DLGAP2: variants seen among roughly 807,000 people sequenced by gnomAD.
DLGAP2 encodes the protein disks large-associated protein 2.
DLGAP2 carries 26 observed loss-of-function variants against 100.3 expected under a neutral mutation model. That is an observed-to-expected ratio of 0.26 (90% CI 0.19 to 0.36). The LOEUF (loss-of-function observed/expected upper bound fraction) is 0.36. DLGAP2 is among the 10% of genes least tolerant of loss of function. The pLI is 1.00. For synonymous variants in DLGAP2, 886 were observed against 630.1 expected, an observed-to-expected ratio of 1.41 and a Z score of -6.08; for missense variants, 1,858 against 1,453.2, an observed-to-expected ratio of 1.28 and a Z score of -4.53.
chr8:817,382 C>T (rs1430230803), intron 1 of DLGAP2, among the ~76,000 whole-genome samples: 1 of 152,120 alleles, frequency 6.6e-6, no homozygotes, highest in Non-Finnish European at 1.5e-5. Context: ...TATTATGTTT[C>T]TTCATTTCCT....
chr8:1,420,310 A>G (rs533058923), intron 3 of DLGAP2, among the ~76,000 whole-genome samples: 1 of 152,130 alleles, frequency 6.6e-6, no homozygotes, highest in Non-Finnish European at 1.5e-5. Context: ...TTAGGAAACC[A>G]TGGGGTTTTA....
At chr8:1,237,552 G>T (rs1798690191) in intron 2 of DLGAP2, among the ~76,000 whole-genome samples, 1 of 139,106 alleles carries the variant, frequency 7.2e-6, no homozygotes, top group African/African-American at 2.8e-5. Flanking sequence ...CTCTCACATG[G>T]CGCCGTGTCT....
In DLGAP2 at chr8:1,197,553, C is replaced by T. The variant is rs114410527; in HGVS notation, c.74-61298C>T. ...TCTACATAAACCTGAGCTACACCAA[C>T]ATGTAGCATCCAGGCCACCAGCTGT... On this transcript the variant is annotated intron_variant, in intron 2 of 14. Coordinates refer to ENST00000637795, the MANE Select transcript of DLGAP2 (RefSeq NM_001346810.2). 4.1e-3 allele frequency among the ~76,000 whole-genome samples: 627 copies of T among 152,222 alleles called. 2 individuals carry two copies. The highest frequency in any genetic ancestry group is 0.015 in the African/African-American group (602 of 41,514).
intron 8 of DLGAP2, among the ~76,000 whole-genome samples, chr8:1,660,924 C>T (rs575684540): frequency 3.3e-5 from 5 of 152,290 alleles, no homozygotes; most frequent in South Asian, 2.1e-4. Context: ...TACACGGCAC[C>T]GTGATTCCGT....
intron 8 of DLGAP2, among the ~76,000 whole-genome samples, chr8:1,650,713 G>A (rs1798141981): frequency 6.6e-6 from 1 of 150,934 alleles, no homozygotes; most frequent in Non-Finnish European, 1.5e-5. Flanking sequence ...AGACACAGAA[G>A]CTTGGGTGAC....
At chr8:1,473,552 A>G (rs1335906700) in intron 3 of DLGAP2, among the ~76,000 whole-genome samples, 1 of 152,184 alleles carries the variant, frequency 6.6e-6, no homozygotes, top group African/African-American at 2.4e-5. Flanking sequence ...GGGGCTGGAG[A>G]CTGGGGAGGG....
At chr8:997,264 A>G (rs1800808010) in intron 2 of DLGAP2, among the ~76,000 whole-genome samples, 1 of 152,230 alleles carries the variant, frequency 6.6e-6, no homozygotes, top group Non-Finnish European at 1.5e-5. Context: ...TGGGAAATGA[A>G]TTAAAATATT....
intron 3 of DLGAP2, among the ~76,000 whole-genome samples, chr8:1,474,617 T>C (rs933568992): frequency 6.6e-6 from 1 of 152,292 alleles, no homozygotes; most frequent in African/African-American, 2.4e-5. Context: ...GCAGAAAACA[T>C]GATAAAATGC....
intron 3 of DLGAP2, among the ~76,000 whole-genome samples, chr8:1,317,135 G>T (rs534016736): frequency 7.3e-6 from 1 of 137,586 alleles, no homozygotes; most frequent in East Asian, 2.1e-4. Context: ...CTCTCCAACA[G>T]TGGTCTACAC....
chr8:892,544 AG>A (rs142204476), intron 1 of DLGAP2, among the ~76,000 whole-genome samples: 2,493 of 151,726 alleles, frequency 0.016, 73 homozygotes, highest in African/African-American at 0.056. Context: ...GGGGCTGGGG[AG>A]GGGGCGTGGG....
intron 2 of DLGAP2, among the ~76,000 whole-genome samples, chr8:1,237,367 G>A (rs7465031): frequency 0.8 from 48,430 of 60,796 alleles, 19,210 homozygotes; most frequent in Middle Eastern, 0.93. Flanking sequence ...CTCACATGGC[G>A]CCGTGTCTGT....
Position 1,460,472 on chromosome 8 carries a change from C to G in DLGAP2, c.107-40894C>G, listed in dbSNP as rs141058030. ...TTAACATGTCGCTTTACTGATGAAG[C>G]CAGCAGAGCAGGGGACGCCTCTCCT... On this transcript the variant is annotated intron_variant, in intron 3 of 14. Coordinates refer to ENST00000637795, the MANE Select transcript of DLGAP2 (RefSeq NM_001346810.2). Among the ~76,000 whole-genome samples the G allele has an allele frequency of 1.3e-4, 20 of 152,304 alleles. No individual in the cohort carries two copies. In the East Asian group the frequency reaches 2.9e-3, roughly 22 times the overall value.
intron 3 of DLGAP2, among the ~76,000 whole-genome samples, chr8:1,488,612 C>T (rs909010012): frequency 6.6e-6 from 1 of 152,194 alleles, no homozygotes; most frequent in Non-Finnish European, 1.5e-5. Context: ...ACACGCCACA[C>T]AGGAGAAAAC....
At chr8:1,159,661 GATACTTTGGTTATTTTAT>G (rs1265099974) in intron 2 of DLGAP2, among the ~76,000 whole-genome samples, 3 of 152,188 alleles carry the variant, frequency 2.0e-5, no homozygotes, top group African/African-American at 7.2e-5. Context: ...GAAATATTGG[GATACTTTGGTTATTTTAT>G]ATACATTTTC....
chr8:925,312 G>A (rs1000137669), intron 2 of DLGAP2, among the ~76,000 whole-genome samples: 2 of 152,136 alleles, frequency 1.3e-5, no homozygotes, highest in South Asian at 2.1e-4. Flanking sequence ...TGTAGAGGGG[G>A]TGTCTCCTTA....
chr8:908,647 A>C (rs1185129217), intron 2 of DLGAP2, among the ~76,000 whole-genome samples: 2 of 152,222 alleles, frequency 1.3e-5, no homozygotes, highest in African/African-American at 4.8e-5. Flanking sequence ...TATCCTGTGG[A>C]TATGGATCTG....
At chr8:1,143,945 A>G (rs1434267335) in intron 2 of DLGAP2, among the ~76,000 whole-genome samples, 1 of 152,244 alleles carries the variant, frequency 6.6e-6, no homozygotes, top group Admixed American at 6.5e-5. Flanking sequence ...TTTGAATGGC[A>G]TAACAGATAA....
At chr8:1,624,933 G>T (rs1585008234) in intron 6 of DLGAP2, among the ~76,000 whole-genome samples, 1 of 151,630 alleles carries the variant, frequency 6.6e-6, no homozygotes, top group South Asian at 2.1e-4. Flanking sequence ...GGTAGGAGCT[G>T]CTATATGTTA....
At position 1,108,973 on chromosome 8, in the gene DLGAP2, G is replaced by A. The variant is rs1247267980; in HGVS notation, c.74-149878G>A. Reference sequence around the variant, plus strand: ...CGTGCTGGGTCTGTGAGGTGTGTACGGGTCTGTGAGGTGTGCACATGCCTA... The same window carrying A: ...CGTGCTGGGTCTGTGAGGTGTGTACAGGTCTGTGAGGTGTGCACATGCCTA... On this transcript the variant is annotated intron_variant, in intron 2 of 14. Transcript: ENST00000637795. Among the ~76,000 whole-genome samples, 8 of 144,144 alleles carry A rather than the reference G, an allele frequency of 5.6e-5. 1 individual carries two copies. The East Asian group carries it at 1.5e-3, about 28-fold the overall frequency. 94.6% of individuals were successfully genotyped at this position (144,144 alleles called of 152,430 possible).
Sources: allele counts gnomAD v4.1 joint callset (sites outside exome capture counted in the v4.1 genomes callset), GRCh38; gene constraint gnomAD v4.1.1; transcripts MANE v1.5; gene names NCBI Gene and HGNC (gene_info 2026-07-23, HGNC 2026-07-21).